Variants in WDR27 observed in about 807,000 individuals in gnomAD.
WDR27 encodes WD repeat domain 27, also known as WD repeat-containing protein 27.
WDR27 carries 100 observed loss-of-function variants against 114.4 expected under a neutral mutation model. The ratio of observed to expected loss-of-function variants is 0.87; its 90% CI spans 0.74 to 1.03. The LOEUF (loss-of-function observed/expected upper bound fraction) is 1.03. Ranked by LOEUF, WDR27 falls within the 50% of genes least tolerant of loss-of-function variation. The probability of loss-of-function intolerance (pLI) is 0.00; values close to 1 mark genes in which losing one functional copy is unlikely to be tolerated. For missense variants in WDR27, 1,129 were observed against 1,092.9 expected, an observed-to-expected ratio of 1.03 and a Z score of -0.47; for synonymous variants, 449 against 423.1, an observed-to-expected ratio of 1.06 and a Z score of -0.75.
intron 23 of WDR27, among the ~76,000 whole-genome samples, chr6:169,586,708 G>GCGTGGTGGCA (rs1259372649): frequency 6.6e-6 from 1 of 151,828 alleles, no homozygotes; most frequent in Non-Finnish European, 1.5e-5. Context: ...AATTAGCTGG[G>GCGTGGTGGCA]CGTGGTGGCA....
chr6:169,588,611 T>G (rs1805098718), intron 23 of WDR27, among the ~76,000 whole-genome samples: 1 of 152,220 alleles, frequency 6.6e-6, no homozygotes, highest in South Asian at 2.1e-4. Flanking sequence ...CTACATTTTA[T>G]TTTCTTCTGC....
chr6:169,598,076 A>C (rs2128164555), intron 23 of WDR27, among the ~76,000 whole-genome samples: 1 of 152,136 alleles, frequency 6.6e-6, no homozygotes, highest in South Asian at 2.1e-4. Context: ...AGTAGTTCTG[A>C]TAGGCACCCT....
chr6:169,510,795 G>T (rs1792735119), intron 25 of WDR27, among the ~76,000 whole-genome samples: 1 of 151,640 alleles, frequency 6.6e-6, no homozygotes, highest in Admixed American at 6.6e-5. Context: ...AATAAAAAAA[G>T]ACAAAAAAAA....
the WDR27 span, among the ~76,000 whole-genome samples, chr6:169,438,808 G>A: frequency 6.6e-6 from 1 of 152,132 alleles, no homozygotes; most frequent in Non-Finnish European, 1.5e-5. Context: ...TTTAAGATAA[G>A]TTCTTGTGCT....
intron 13 of WDR27, among the ~76,000 whole-genome samples, chr6:169,654,130 C>T (rs1390945283): frequency 6.6e-6 from 1 of 152,264 alleles, no homozygotes; most frequent in Admixed American, 6.5e-5. Context: ...AAAATTGATG[C>T]AAAACTCCTC....
At chr6:169,439,864 ATATTATATTGGTAGTTATATTACCAATAT>A in the WDR27 span, among the ~76,000 whole-genome samples, 2,089 of 147,820 alleles carry the variant, frequency 0.014, 22 homozygotes, top group African/African-American at 0.038. Flanking sequence ...TATATTACCA[ATATTATATTGGTAGTTATATTACCAATAT>A]TATTATATTG....
chr6:169,555,816 G>T (rs974812372), intron 25 of WDR27, among the ~76,000 whole-genome samples: 7 of 152,174 alleles, frequency 4.6e-5, no homozygotes, highest in Non-Finnish European at 1.5e-5. Flanking sequence ...TTAAGCAAGA[G>T]ATTTAACTTG....
Position 169,586,847 on chromosome 6 carries a change from C to CAAAAAAAAAAAAAAAAAAAAAAAAAAAAA in WDR27, c.2425-3914_2425-3913insTTTTTTTTTTTTTTTTTTTTTTTTTTTTT. ...CTGGCGACACAGCTAGACTCTGTCT[C>CAAAAAAAAAAAAAAAAAAAAAAAAAAAAA]AAAAAAAAAAAAAAAAAAAAAAAAA... On this transcript the variant is annotated intron_variant, in intron 23 of 25. Coordinates refer to ENST00000448612, the MANE Select transcript of WDR27 (RefSeq NM_182552.5). Among the ~76,000 whole-genome samples the CAAAAAAAAAAAAAAAAAAAAAAAAAAAAA allele has an allele frequency of 6.2e-5, 2 of 32,058 alleles. 1 individual carries two copies. Among genetic ancestry groups the CAAAAAAAAAAAAAAAAAAAAAAAAAAAAA allele is most frequent in the African/African-American group, 2.4e-4 (2 of 8,192 alleles). 21.0% of individuals were successfully genotyped at this position (32,058 alleles called of 152,430 possible).
intron 16 of WDR27, among the ~76,000 whole-genome samples, chr6:169,646,192 C>T (rs568348749): frequency 6.6e-6 from 1 of 152,324 alleles, no homozygotes; most frequent in Non-Finnish European, 1.5e-5. Flanking sequence ...TACCCAACAC[C>T]TTGTAAGGCG....
chr6:169,442,411 G>A, the WDR27 span, among the ~76,000 whole-genome samples: 9 of 152,310 alleles, frequency 5.9e-5, no homozygotes, highest in Admixed American at 5.9e-4. Flanking sequence ...CCAGCATCTA[G>A]AATCAGGAGA....
rs368864364 is a variant in WDR27 at position 169,684,681 on chromosome 6, T to C, written c.189+4136A>G. On this transcript the variant is annotated intron_variant, in intron 2 of 25. Coordinates refer to ENST00000448612, the MANE Select transcript of WDR27 (RefSeq NM_182552.5). This position sits in a 1 kb window ranked among gnomAD's most constrained non-coding sequence, Gnocchi z 4.3. ...TCCTGTGGGTTTCCCCCAGCAGATATGCTCTCAGACAAATCCAGCAGCTGT... is the reference window on the plus strand; with the variant it reads ...TCCTGTGGGTTTCCCCCAGCAGATACGCTCTCAGACAAATCCAGCAGCTGT... Among the ~76,000 whole-genome samples the C allele has an allele frequency of 1.3e-5, 2 of 152,166 alleles. No homozygotes were observed. The highest frequency in any genetic ancestry group is 4.1e-4 in the South Asian group (2 of 4,832).
chr6:169,547,893 T>C, intron 25 of WDR27, among the ~76,000 whole-genome samples: 1 of 151,012 alleles, frequency 6.6e-6, no homozygotes, highest in East Asian at 1.9e-4. Context: ...ATTGTCTACA[T>C]AGAACATTTG....
chr6:169,528,344 G>T (rs1375099678), intron 25 of WDR27, among the ~76,000 whole-genome samples: 1 of 152,050 alleles, frequency 6.6e-6, no homozygotes, highest in Non-Finnish European at 1.5e-5. Context: ...ACTAAATATG[G>T]TTCCATTTTT....
At chr6:169,547,205 G>T (rs1457343557) in intron 25 of WDR27, among the ~76,000 whole-genome samples, 2 of 152,018 alleles carry the variant, frequency 1.3e-5, no homozygotes, top group African/African-American at 4.8e-5. Context: ...AAATCACTAG[G>T]CCCAGATGGG....
At chr6:169,575,515 T>C (rs989505337) in intron 24 of WDR27, among the ~76,000 whole-genome samples, 1 of 152,108 alleles carries the variant, frequency 6.6e-6, no homozygotes. Context: ...GTCTTATCGC[T>C]CCCAACACTG....
At chr6:169,690,341 C>T (rs1784166621) in intron 1 of WDR27, among the ~76,000 whole-genome samples, 1 of 152,244 alleles carries the variant, frequency 6.6e-6, no homozygotes, top group African/African-American at 2.4e-5. Context: ...CAGCCTCTGC[C>T]TTTCTCTTCC....
intron 25 of WDR27, among the ~76,000 whole-genome samples, chr6:169,561,521 T>C (rs1023232665): frequency 9.9e-5 from 15 of 152,148 alleles, no homozygotes; most frequent in African/African-American, 3.4e-4. Flanking sequence ...CAGCTAAAGA[T>C]TTATACTTTA....
intron 22 of WDR27, among the ~76,000 whole-genome samples, chr6:169,610,737 T>G (rs1442279208): frequency 6.6e-6 from 1 of 152,166 alleles, no homozygotes; most frequent in African/African-American, 2.4e-5. Context: ...AAGAATGTCT[T>G]TTGCAGCAGC....
rs1825539682 is a variant in WDR27 at position 169,659,876 on chromosome 6, A to G, written c.1130-358T>C. Among the ~76,000 whole-genome samples the G allele has an allele frequency of 6.6e-6, 1 of 151,528 alleles. No homozygotes were observed. Among genetic ancestry groups the G allele is most frequent in the African/African-American group, 2.4e-5 (1 of 41,178 alleles). On this transcript the variant is annotated intron_variant, in intron 10 of 25. Coordinates refer to ENST00000448612, the MANE Select transcript of WDR27 (RefSeq NM_182552.5). This position sits in a 1 kb window ranked among gnomAD's most constrained non-coding sequence, Gnocchi z 4.3. ...AATTAGAGCTGTGACCATTTGGGGG[A>G]AGGAAAGGCTGAGTTTTCAAGGAGA...
Sources: allele counts gnomAD v4.1 joint callset (sites outside exome capture counted in the v4.1 genomes callset), GRCh38; gene constraint gnomAD v4.1.1; non-coding constraint Gnocchi (gnomAD v3.1); transcripts MANE v1.5; gene names NCBI Gene and HGNC (gene_info 2026-07-23, HGNC 2026-07-21).